PDXK: variants seen among roughly 807,000 people sequenced by gnomAD.
PDXK encodes the protein pyridoxal kinase, also known as epididymis secretory sperm binding protein Li 1a.
Under a neutral mutation model 43.2 loss-of-function variants are expected in PDXK, and 15 were observed. The ratio of observed to expected loss-of-function variants is 0.35; its 90% CI spans 0.23 to 0.53. The LOEUF (loss-of-function observed/expected upper bound fraction) is 0.53. Ranked by LOEUF, PDXK falls within the 20% of genes least tolerant of loss-of-function variation. The probability of loss-of-function intolerance (pLI) is 0.92; values close to 1 mark genes in which losing one functional copy is unlikely to be tolerated. For missense variants in PDXK, 343 were observed against 417.0 expected (o/e 0.82, Z 1.54); for synonymous variants, 172 against 165.4 (o/e 1.04, Z -0.31).
intron 1 of PDXK, among the ~76,000 whole-genome samples, chr21:43,733,318 A>G (rs1352042700): frequency 7.8e-6 from 1 of 128,118 alleles, no homozygotes; most frequent in Non-Finnish European, 1.6e-5. Flanking sequence ...CAGAGGTGGC[A>G]CTGCCTGGCT....
chr21:43,729,969 AAAAAAAC>A (rs963425683), intron 1 of PDXK, among the ~76,000 whole-genome samples: 4 of 152,014 alleles, frequency 2.6e-5, no homozygotes, highest in Middle Eastern at 3.2e-3. Flanking sequence ...AAACAAAACA[AAAAAAAC>A]AAAAAACAAA....
intron 1 of PDXK, among the ~76,000 whole-genome samples, chr21:43,731,400 A>G (rs2083315883): frequency 6.6e-6 from 1 of 152,176 alleles, no homozygotes; most frequent in African/African-American, 2.4e-5. Flanking sequence ...ACCCACACTC[A>G]GGGGGTTGCC....
rs1246618125 is a variant in PDXK at position 43,762,039 on chromosome 21, G to A, written c.*5976G>A. ...AAAACTGGACCAATGGGAGGACGGC[G>A]GCGCAGCCCGCTCCCTCCGTGGAAT... On this transcript the variant is annotated 3_prime_UTR_variant, in exon 11 of 11. Transcript: ENST00000291565. 6.5e-6 allele frequency: 1 copy of A among 153,770 alleles called. No homozygotes were observed. Among genetic ancestry groups the A allele is most frequent in the South Asian group, 2.1e-4 (1 of 4,834 alleles). 9.5% of individuals were successfully genotyped at this position (153,770 alleles called of 1,614,324 possible).
At chr21:43,744,342 C>T (rs2083600078) in intron 4 of PDXK, 1 of 158,010 alleles carries the variant, frequency 6.3e-6, no homozygotes, top group Admixed American at 6.1e-5. Context: ...CATCTTGACG[C>T]CTGGCAGAAG....
In PDXK at chr21:43,732,745, A is replaced by T. The variant is rs970091786; in HGVS notation, c.88-1324A>T. On this transcript the variant is annotated intron_variant, in intron 1 of 10. Coordinates refer to ENST00000291565, the MANE Select transcript of PDXK (RefSeq NM_003681.5). The surrounding 1 kb of genome is among the most constrained non-coding windows in gnomAD (Gnocchi z 4.1). ...TTGCAAAGTGCCCATTTTATTTTTTATTTTTATTTTTATGTTTTTTGAGAC... is the reference window on the plus strand; with the variant it reads ...TTGCAAAGTGCCCATTTTATTTTTTTTTTTTATTTTTATGTTTTTTGAGAC... 2 of 665,092 alleles carry T rather than the reference A, an allele frequency of 3.0e-6. No homozygotes were observed. The highest frequency in any genetic ancestry group is 2.4e-5 in the Admixed American group (1 of 41,000). 41.2% of individuals were successfully genotyped at this position (665,092 alleles called of 1,614,324 possible). A position where few individuals can be genotyped will look rare whatever the true frequency, so the allele number is the denominator to read the frequency against.
Position 43,756,036 on chromosome 21 carries a change from G to T in PDXK, c.912G>T (p.Glu304Asp), listed in dbSNP as rs749694363. The change falls in exon 11 of 11, where the codon GAG becomes GAT. Residue 304 changes from glutamate (E) to aspartate (D), a missense_variant. Transcript: ENST00000291565. ...VQSKRDIEDP[E>D]IVVQATVL ...GCAAAAGGGACATCGAGGACCCAGA[G>T]ATCGTCGTCCAGGCCACGGTGCTGT... 1.9e-6 allele frequency: 3 copies of T among 1,611,778 alleles called. No homozygotes were observed. Among genetic ancestry groups the T allele is most frequent in the Non-Finnish European group, 2.5e-6 (3 of 1,178,976 alleles).
intron 1 of PDXK, chr21:43,729,063 C>A (rs112103244): frequency 0.012 from 11,405 of 973,158 alleles, 77 homozygotes; most frequent in Non-Finnish European, 0.013. Flanking sequence ...CCCAGCCCCC[C>A]ACCCCGCACC....
chr21:43,736,937 T>C (rs891848736), intron 2 of PDXK: 5 of 701,688 alleles, frequency 7.1e-6, no homozygotes, highest in Non-Finnish European at 1.3e-5. Context: ...CCCAGTCTTT[T>C]CTTTTTTCTT....
chr21:43,753,230 A>G (rs1373758677), intron 8 of PDXK, among the ~76,000 whole-genome samples: 1 of 152,126 alleles, frequency 6.6e-6, no homozygotes, highest in Non-Finnish European at 1.5e-5. Context: ...GGACACATGC[A>G]TACACACGGA....
At chr21:43,751,820 A>G (rs540583050) in intron 7 of PDXK, among the ~76,000 whole-genome samples, 4 of 152,316 alleles carry the variant, frequency 2.6e-5, no homozygotes, top group South Asian at 2.1e-4. Context: ...ATATTGCCAC[A>G]TGGGTGCCAT....
chr21:43,726,059 G>A (rs2083250206), intron 1 of PDXK, among the ~76,000 whole-genome samples: 1 of 151,996 alleles, frequency 6.6e-6, no homozygotes, highest in Non-Finnish European at 1.5e-5. Flanking sequence ...CAGTCCCTGG[G>A]TCTGAGCCAG....
Position 43,741,704 on chromosome 21 carries a change from T to C in PDXK, c.180T>C (p.Asp60=). Residue 60 remains aspartate (D), a synonymous_variant, in exon 3 of 11, where the codon GAT becomes GAC. Coordinates refer to ENST00000291565, the MANE Select transcript of PDXK (RefSeq NM_003681.5). ...GGAAGGGCCAAGTGCTGAATTCAGA[T>C]GAGCTCCAGGAGTTGTACGAAGGCC... The part of the protein sequence containing the change: ...AHWKGQVLNS[D]ELQELYEGLR... 1 of 1,611,182 alleles carries C rather than the reference T, an allele frequency of 6.2e-7. No individual in the cohort carries two copies. The highest frequency in any genetic ancestry group is 8.5e-7 in the Non-Finnish European group (1 of 1,177,792).
chr21:43,730,407 T>A (rs936294352), intron 1 of PDXK, among the ~76,000 whole-genome samples: 2 of 152,070 alleles, frequency 1.3e-5, no homozygotes, highest in African/African-American at 4.8e-5. Flanking sequence ...ATTACAGGCG[T>A]GAGCCACTGT....
At chr21:43,745,169 C>T (rs2083615838) in intron 4 of PDXK, among the ~76,000 whole-genome samples, 1 of 152,176 alleles carries the variant, frequency 6.6e-6, no homozygotes, top group Non-Finnish European at 1.5e-5. Context: ...CCTGGAATCC[C>T]AGCACTTTGG....
Position 43,737,328 on chromosome 21 carries a change from C to G in PDXK, c.142+3205C>G. The G allele has an allele frequency of 1.5e-6, 2 of 1,350,270 alleles. No homozygotes were observed. The highest frequency in any genetic ancestry group is 1.9e-6 in the Non-Finnish European group (2 of 1,050,546). 83.6% of individuals were successfully genotyped at this position (1,350,270 alleles called of 1,614,324 possible). A position where few individuals can be genotyped will look rare whatever the true frequency, so the allele number is the denominator to read the frequency against. On this transcript the variant is annotated intron_variant, in intron 2 of 10. Transcript: ENST00000291565. The surrounding 1 kb of genome is among the most constrained non-coding windows in gnomAD (Gnocchi z 4.8). Reference sequence around the variant, plus strand: ...CTGCTCGCACTTCTGCCCCTTCCCCCGGCCAGGCCCCCGTTCCTTGAGGCC... The same window carrying G: ...CTGCTCGCACTTCTGCCCCTTCCCCGGGCCAGGCCCCCGTTCCTTGAGGCC...
Position 43,726,401 on chromosome 21 carries a change from A to G in PDXK, c.87+7020A>G, listed in dbSNP as rs1271786002. Among the ~76,000 whole-genome samples the G allele has an allele frequency of 2.0e-5, 3 of 146,900 alleles. No individual in the cohort carries two copies. The East Asian group carries it at 6.1e-4, about 30-fold the overall frequency. ...CGCCATTCTCCTGCCTCAGCCTCCC[A>G]GGTAGCTGGGACTACAGGCGCCCGC... On this transcript the variant is annotated intron_variant, in intron 1 of 10. Transcript: ENST00000291565.
Position 43,732,370 on chromosome 21 carries a change from G to A in PDXK, c.88-1699G>A, listed in dbSNP as rs573893376. The A allele has an allele frequency of 1.6e-5, 25 of 1,611,242 alleles. No individual in the cohort carries two copies. In the Admixed American group the frequency reaches 1.8e-4, roughly 12 times the overall value. On this transcript the variant is annotated intron_variant, in intron 1 of 10. Coordinates refer to ENST00000291565, the MANE Select transcript of PDXK (RefSeq NM_003681.5). This position sits in a 1 kb window ranked among gnomAD's most constrained non-coding sequence, Gnocchi z 4.1. The stretch of plus-strand genomic sequence containing the variant: ...CTGAGTCTGGCTTTGTCTGGCACAT[G>A]AAGTTGGATGGGTAGACTCTGGAAG...
At chr21:43,743,835 G>A (rs755295125) in intron 4 of PDXK, 28 bp downstream of exon 4, 3 of 1,549,170 alleles carry the variant, frequency 1.9e-6, no homozygotes. Context: ...CTCGGGTCTG[G>A]CTGTGTGGCC....
intron 1 of PDXK, among the ~76,000 whole-genome samples, chr21:43,722,075 C>A (rs1316719917): frequency 1.3e-5 from 2 of 152,176 alleles, no homozygotes; most frequent in Non-Finnish European, 2.9e-5. Flanking sequence ...GGGGGGGCTG[C>A]CCAAGTCAAG....
Sources: allele counts gnomAD v4.1 joint callset (sites outside exome capture counted in the v4.1 genomes callset), GRCh38; gene constraint gnomAD v4.1.1; non-coding constraint Gnocchi (gnomAD v3.1); transcripts MANE v1.5; gene names NCBI Gene and HGNC (gene_info 2026-07-23, HGNC 2026-07-21).